Variants in SORBS2 observed in about 807,000 individuals in gnomAD.
The protein encoded by SORBS2 is sorbin and SH3 domain containing 2, also known as sorbin and SH3 domain-containing protein 2.
Under a neutral mutation model 97.7 loss-of-function variants are expected in SORBS2, and 46 were observed. The observed-to-expected ratio is 0.47, with a 90% CI of 0.37 to 0.60. The LOEUF is 0.60. Among genes scored for constraint, SORBS2 ranks in the 20% least tolerant of loss-of-function variants. The pLI is 0.00. For missense variants in SORBS2, 1,316 were observed against 1,282.3 expected (o/e 1.03, Z -0.40); for synonymous variants, 476 against 473.4 (o/e 1.01, Z -0.07).
chr4:185,945,557 C>A (rs1051670767), intron 1 of SORBS2, among the ~76,000 whole-genome samples: 15 of 152,206 alleles, frequency 9.9e-5, no homozygotes, highest in Non-Finnish European at 4.4e-5. Flanking sequence ...ATCTACAGAT[C>A]CTCTTCTAGT....
At chr4:185,643,434 G>T (rs1050686593) in intron 4 of SORBS2, among the ~76,000 whole-genome samples, 1 of 152,142 alleles carries the variant, frequency 6.6e-6, no homozygotes, top group Admixed American at 6.5e-5. Flanking sequence ...TATGCTCAGG[G>T]TTTCAGATTT....
chr4:185,594,111 A>T (rs1185965625), intron 12 of SORBS2, 176 bp from the exon 25 acceptor site: 2 of 574,640 alleles, frequency 3.5e-6, no homozygotes, highest in African/African-American at 1.9e-5. Context: ...AAATATTTAA[A>T]GGGAGCTTTA....
At chr4:185,955,145 GC>G (rs2150038207) in intron 1 of SORBS2, among the ~76,000 whole-genome samples, 1 of 152,070 alleles carries the variant, frequency 6.6e-6, no homozygotes, top group East Asian at 1.9e-4. Flanking sequence ...ATTTCAATGG[GC>G]CATGTTTCTT....
intron 1 of SORBS2, among the ~76,000 whole-genome samples, chr4:185,889,829 T>C (rs2099241570): frequency 6.6e-6 from 1 of 152,182 alleles, no homozygotes; most frequent in Non-Finnish European, 1.5e-5. Flanking sequence ...TGACACTCAT[T>C]CCACCTCCTG....
In SORBS2 at chr4:185,615,037, G is replaced by A. The variant is rs757629060; in HGVS notation, c.2466+8C>T. 1 of 1,612,756 alleles carries A rather than the reference G, an allele frequency of 6.2e-7. No individual in the cohort carries two copies. Among genetic ancestry groups the A allele is most frequent in the Admixed American group, 1.7e-5 (1 of 60,028 alleles). ...CCGCCATCCAAGAGAGAAAGGGAGA[G>A]GACCTACCTCTACGTATGAGATCGG... On this transcript the variant is annotated splice_region_variant and intron_variant, in intron 10 of 14. Transcript: ENST00000418609.
chr4:185,683,716 C>T lies in SORBS2; in HGVS notation c.-197-4894G>A, dbSNP rs138690238. Among the ~76,000 whole-genome samples the T allele has an allele frequency of 3.2e-3, 485 of 152,016 alleles. 4 individuals are homozygous for T. The highest frequency in any genetic ancestry group is 6.1e-3 in the Non-Finnish European group (414 of 68,004). ...CACTAGCCTGGCATTTAAACTTGGA[C>T]GTTGAAATCCATTTGTGGATTAGAG... On this transcript the variant is annotated intron_variant, in intron 2 of 20. Coordinates refer to the SORBS2 transcript ENST00000284776.
chr4:185,915,848 T>C (rs2099257847), intron 1 of SORBS2, among the ~76,000 whole-genome samples: 1 of 152,192 alleles, frequency 6.6e-6, no homozygotes, highest in Non-Finnish European at 1.5e-5. Flanking sequence ...AACCTAACCC[T>C]GGTAATTTTG....
intron 1 of SORBS2, among the ~76,000 whole-genome samples, chr4:185,795,280 A>T (rs1481279854): frequency 6.6e-6 from 1 of 152,192 alleles, no homozygotes; most frequent in Non-Finnish European, 1.5e-5. Flanking sequence ...CCAATCTCAC[A>T]TCCTACACCC....
intron 1 of SORBS2, among the ~76,000 whole-genome samples, chr4:185,936,147 T>C (rs957552924): frequency 2.2e-4 from 34 of 152,172 alleles, no homozygotes; most frequent in African/African-American, 7.7e-4. Context: ...GCGTGAGCCA[T>C]TGCACCTGGC....
At chr4:185,745,206 C>T (rs1018872210) in intron 2 of SORBS2, among the ~76,000 whole-genome samples, 1 of 152,074 alleles carries the variant, frequency 6.6e-6, no homozygotes, top group Non-Finnish European at 1.5e-5. Flanking sequence ...TGCAAAGATG[C>T]CCGAGCAGGT....
intron 2 of SORBS2, among the ~76,000 whole-genome samples, chr4:185,729,090 A>C (rs564924898): frequency 2.2e-4 from 34 of 152,346 alleles, no homozygotes; most frequent in African/African-American, 7.9e-4. Context: ...CATGAGAAGA[A>C]TTCTATAAAT....
chr4:185,817,861 G>T (rs144302488), intron 1 of SORBS2, among the ~76,000 whole-genome samples: 1 of 152,168 alleles, frequency 6.6e-6, no homozygotes, highest in East Asian at 1.9e-4. Flanking sequence ...GGGTCACCTT[G>T]TGTCTTCTAG....
At chr4:185,665,892 G>C in intron 4 of SORBS2, 1 of 1,190,460 alleles carries the variant, frequency 8.4e-7, no homozygotes, top group South Asian at 1.6e-5. Context: ...AGCGGGAGGA[G>C]TGCTCGGCCA....
intron 1 of SORBS2, among the ~76,000 whole-genome samples, chr4:185,910,403 C>T (rs1179188481): frequency 6.6e-6 from 1 of 152,110 alleles, no homozygotes; most frequent in Non-Finnish European, 1.5e-5. Flanking sequence ...TTCATTTTAT[C>T]CTCTCCATTT....
chr4:185,816,351 C>T (rs1191248442), intron 1 of SORBS2, among the ~76,000 whole-genome samples: 1 of 152,198 alleles, frequency 6.6e-6, no homozygotes, highest in Non-Finnish European at 1.5e-5. Context: ...AACTTAGAGA[C>T]TGGAATTGAA....
intron 1 of SORBS2, among the ~76,000 whole-genome samples, chr4:185,906,143 C>T (rs571728432): frequency 5.9e-5 from 9 of 152,322 alleles, no homozygotes; most frequent in African/African-American, 2.2e-4. Context: ...AAGTGATTCT[C>T]CTGCCTCAGC....
intron 2 of SORBS2, among the ~76,000 whole-genome samples, chr4:185,688,781 T>C (rs2098032940): frequency 1.7e-5 from 2 of 118,078 alleles, no homozygotes; most frequent in South Asian, 5.1e-4. Context: ...AAAAGTGGTA[T>C]GTTTTTATAA....
intron 1 of SORBS2, among the ~76,000 whole-genome samples, chr4:185,908,294 T>TATATATATATTTGTATACACACAA (rs1554049916): frequency 0.033 from 2,507 of 75,646 alleles, 91 homozygotes; most frequent in East Asian, 0.087. Context: ...TATATATATA[T>TATATATATATTTGTATACACACAA]ATATATATAT....
intron 1 of SORBS2, among the ~76,000 whole-genome samples, chr4:185,944,183 T>C (rs2099273436): frequency 6.6e-6 from 1 of 152,192 alleles, no homozygotes. Flanking sequence ...AACGCTTATA[T>C]AGCCAACTAC....
Sources: allele counts gnomAD v4.1 joint callset (sites outside exome capture counted in the v4.1 genomes callset), GRCh38; gene constraint gnomAD v4.1.1; transcripts MANE v1.5; gene names NCBI Gene and HGNC (gene_info 2026-07-23, HGNC 2026-07-21).